Variants in SLC8A2 observed in about 807,000 individuals in gnomAD.
SLC8A2 encodes the protein solute carrier family 8 member A2, also known as sodium/calcium exchanger 2.
In SLC8A2, 14 loss-of-function variants were observed where a neutral mutation model predicts 70.2. The ratio of observed to expected loss-of-function variants is 0.20; its 90% CI spans 0.13 to 0.31. The LOEUF (loss-of-function observed/expected upper bound fraction) is 0.31. Ranked by LOEUF, SLC8A2 falls within the 10% of genes least tolerant of loss-of-function variation. SLC8A2 has a pLI of 1.00. For synonymous variants in SLC8A2, 575 were observed against 594.3 expected, an observed-to-expected ratio of 0.97 and a Z score of 0.47; for missense variants, 779 against 1,320.1, an observed-to-expected ratio of 0.59 and a Z score of 6.35.
intron 8 of SLC8A2, among the ~76,000 whole-genome samples, chr19:47,436,947 T>G (rs1967037127): frequency 6.6e-6 from 1 of 152,114 alleles, no homozygotes; most frequent in Non-Finnish European, 1.5e-5. Context: ...CCATTTAATC[T>G]GTTCCCACCC....
chr19:47,436,322 A>G (rs1354996851), intron 8 of SLC8A2, among the ~76,000 whole-genome samples: 1 of 152,144 alleles, frequency 6.6e-6, no homozygotes, highest in African/African-American at 2.4e-5. Context: ...GTCTTGTGAC[A>G]TGTCTGTCTC....
chr19:47,452,790 T>C (rs1354442138), intron 3 of SLC8A2, among the ~76,000 whole-genome samples: 1 of 152,116 alleles, frequency 6.6e-6, no homozygotes, highest in Admixed American at 6.5e-5. Context: ...CCCGGCACTT[T>C]GGGAGGCCGG....
At chr19:47,441,688 G>T (rs376048141) in intron 4 of SLC8A2, among the ~76,000 whole-genome samples, 21 of 152,356 alleles carry the variant, frequency 1.4e-4, no homozygotes, top group African/African-American at 4.1e-4. Context: ...GGGTGCGGTG[G>T]CTCATGCCTC....
chr19:47,445,557 G>A (rs1025824482), intron 4 of SLC8A2, among the ~76,000 whole-genome samples: 5 of 152,096 alleles, frequency 3.3e-5, no homozygotes, highest in African/African-American at 1.2e-4. Context: ...CCATCTCTGG[G>A]TGTCTCTCCT....
chr19:47,448,563 A>G lies in SLC8A2; in HGVS notation c.1341-332T>C, dbSNP rs1967198328. Among the ~76,000 whole-genome samples, 1 of 152,196 alleles carries G rather than the reference A, an allele frequency of 6.6e-6. No individual in the cohort carries two copies. Among genetic ancestry groups the G allele is most frequent in the South Asian group, 2.1e-4 (1 of 4,830 alleles). On this transcript the variant is annotated intron_variant, in intron 3 of 9. Coordinates refer to ENST00000236877, the MANE Select transcript of SLC8A2 (RefSeq NM_015063.3). The surrounding 1 kb of genome is among the most constrained non-coding windows in gnomAD (Gnocchi z 4.8). ...AGGCATTAGCAGGTGGGCATACTCC[A>G]GGCAGAAGGAACAGCACATGCAAAG...
chr19:47,445,323 G>A (rs549555547), intron 4 of SLC8A2, among the ~76,000 whole-genome samples: 1 of 152,244 alleles, frequency 6.6e-6, no homozygotes, highest in South Asian at 2.1e-4. Context: ...TGGTCAGGCT[G>A]GTCTCGAACT....
rs1160974331 is a variant in SLC8A2 at position 47,465,706 on chromosome 19, A to G, written c.675+23T>C. 1 of 1,578,588 alleles carries G rather than the reference A, an allele frequency of 6.3e-7. No homozygotes were observed. Among genetic ancestry groups the G allele is most frequent in the Non-Finnish European group, 8.6e-7 (1 of 1,158,024 alleles). ...TTTGCAGACACACATGCACCAAGAA[A>G]GCATCTATGCGTCTTTGCTCACCTG... On this transcript the variant is annotated intron_variant, in intron 2 of 9. Transcript: ENST00000236877. This position sits in a 1 kb window ranked among gnomAD's most constrained non-coding sequence, Gnocchi z 5.5.
At chr19:47,458,384 TTC>T (rs1228231907) in intron 2 of SLC8A2, among the ~76,000 whole-genome samples, 5 of 146,282 alleles carry the variant, frequency 3.4e-5, no homozygotes, top group East Asian at 2.1e-4. Flanking sequence ...CCCCACCTCT[TTC>T]TGTCTCTCTT....
rs573666357 is a variant in SLC8A2, at chr19:47,437,533, G to A, written c.2039C>T (p.Thr680Met). ...GGTCCCAATTACCAAGGCCAAGTTC[G>A]TTTTCTTGATGAGTTTATCCACCGT... Reference protein sequence around the residue: ...KNTVDKLIKKTNLALVIGTHS... With the variant: ...KNTVDKLIKKMNLALVIGTHS... The change falls in exon 8 of 10, where the codon ACG becomes ATG. Residue 680 changes from threonine (T) to methionine (M), a missense_variant. This residue lies in a region of SLC8A2 where 247 missense variants were observed against 362.8 expected (regional missense o/e 0.68). Transcript: ENST00000236877. The A allele has an allele frequency of 9.9e-6, 16 of 1,613,864 alleles. No homozygotes were observed. Among genetic ancestry groups the A allele is most frequent in the Middle Eastern group, 1.6e-4 (1 of 6,062 alleles).
chr19:47,448,519 A>G lies in SLC8A2; in HGVS notation c.1341-288T>C, dbSNP rs886441358. Reference sequence around the variant, plus strand: ...AACAGGTAATGATAAGGTTGAGATCAGGGCAGGCTTCCTGGAGGAGGCATT... The same window carrying G: ...AACAGGTAATGATAAGGTTGAGATCGGGGCAGGCTTCCTGGAGGAGGCATT... On this transcript the variant is annotated intron_variant, in intron 3 of 9. Coordinates refer to ENST00000236877, the MANE Select transcript of SLC8A2 (RefSeq NM_015063.3). The surrounding 1 kb of genome is among the most constrained non-coding windows in gnomAD (Gnocchi z 4.8). Among the ~76,000 whole-genome samples the G allele has an allele frequency of 1.3e-5, 2 of 152,186 alleles. No individual in the cohort carries two copies. Among genetic ancestry groups the G allele is most frequent in the Non-Finnish European group, 2.9e-5 (2 of 68,026 alleles).
chr19:47,452,382 T>C (rs55729620), intron 3 of SLC8A2, among the ~76,000 whole-genome samples: 19,077 of 144,252 alleles, frequency 0.13, 1,484 homozygotes, highest in Non-Finnish European at 0.17. Flanking sequence ...GCCCAGCTTA[T>C]ATATATATAT....
chr19:47,447,629 ATGGGTCACAGGCCCCGCCCACGT>A lies in SLC8A2; in HGVS notation c.1763+157_1763+179del. 7.4e-6 allele frequency: 3 copies of A among 407,776 alleles called. No individual in the cohort carries two copies. The highest frequency in any genetic ancestry group is 1.3e-5 in the Non-Finnish European group (3 of 239,480). The allele number at this position is 407,776 out of a possible 1,614,324, so 25.3% of individuals were successfully genotyped here. ...GTGAAGCCCCGCCCACGTCGTGGGC[ATGGGTCACAGGCCCCGCCCACGT>A]TGCGGGCACGGCCACGCAGGCCCCT... On this transcript the variant is annotated intron_variant, in intron 4 of 9. Transcript: ENST00000236877. The surrounding 1 kb of genome is among the most constrained non-coding windows in gnomAD (Gnocchi z 5.1).
At position 47,430,303 on chromosome 19, in the gene SLC8A2, C is replaced by T. The variant is rs1188238015; in HGVS notation, c.2552G>A (p.Arg851His). ...WAVQGRPFEV[R>H]TGTLAFSVTL... ...GACGGAGAAGGCCAGCGTGCCAGTG[C>T]GCACCTCGAAGGGGCGGCCCTGCAC... The change falls in exon 10 of 10, where the codon CGC becomes CAC. Residue 851 changes from arginine to histidine, a missense_variant. Physicochemically the swap from Arg to His is conservative, Grantham distance 29. This residue lies in a region of SLC8A2 where 108 missense variants were observed against 269.6 expected (regional missense o/e 0.40). Transcript: ENST00000236877. This position sits in a 1 kb window ranked among gnomAD's most constrained non-coding sequence, Gnocchi z 5.9. The T allele has an allele frequency of 2.5e-6, 4 of 1,612,302 alleles. No homozygotes were observed. Among genetic ancestry groups the T allele is most frequent in the African/African-American group, 1.3e-5 (1 of 74,904 alleles).
intron 8 of SLC8A2, among the ~76,000 whole-genome samples, chr19:47,435,550 G>GTGT (rs1447011333): frequency 7.5e-6 from 1 of 133,300 alleles, no homozygotes; most frequent in African/African-American, 2.8e-5. Context: ...TCTTTTCTTC[G>GTGT]TTTTTTTTTT....
At chr19:47,441,974 T>G (rs1051729046) in intron 4 of SLC8A2, among the ~76,000 whole-genome samples, 2 of 152,110 alleles carry the variant, frequency 1.3e-5, no homozygotes, top group Non-Finnish European at 2.9e-5. Flanking sequence ...TGGTGGCACA[T>G]GCCTGTAGTC....
chr19:47,457,797 T>TCTTCCTTC (rs146183606), intron 2 of SLC8A2, among the ~76,000 whole-genome samples: 47,374 of 94,672 alleles, frequency 0.5, 8,904 homozygotes, highest in Middle Eastern at 0.58. Context: ...TTTTCTTTTC[T>TCTTCCTTC]CTTCCTTCCT....
In SLC8A2 at chr19:47,448,901, G is replaced by C. The variant is rs698703; in HGVS notation, c.1341-670C>G. Among the ~76,000 whole-genome samples, 118,796 of 152,080 alleles carry C rather than the reference G, an allele frequency of 0.78. 47,102 individuals carry two copies. Among genetic ancestry groups the C allele is most frequent in the Middle Eastern group, 0.89 (262 of 294 alleles). ...ACAAACACTCCTAAGGGCACCCGTT[G>C]TGTGCCTTGTGCCGAGTGGTGCTGG... On this transcript the variant is annotated intron_variant, in intron 3 of 9. Transcript: ENST00000236877. The surrounding 1 kb of genome is among the most constrained non-coding windows in gnomAD (Gnocchi z 4.8).
intron 3 of SLC8A2, among the ~76,000 whole-genome samples, chr19:47,452,958 G>A (rs1369454604): frequency 1.5e-4 from 23 of 152,182 alleles, no homozygotes; most frequent in Admixed American, 1.4e-3. Flanking sequence ...ACTTGAACGC[G>A]GGAGGCAGAG....
At chr19:47,442,567 A>C (rs1264645909) in intron 4 of SLC8A2, among the ~76,000 whole-genome samples, 1 of 151,998 alleles carries the variant, frequency 6.6e-6, no homozygotes, top group African/African-American at 2.4e-5. Flanking sequence ...TCAGTTCTTC[A>C]TTCAAACTTC....
Sources: gnomAD v4.1 joint callset for allele counts (sites outside exome capture counted in the v4.1 genomes callset) on GRCh38, gnomAD v4.1.1 for gene constraint, gnomAD v4.1.1 regional missense constraint, Gnocchi (gnomAD v3.1) non-coding constraint, MANE v1.5 for transcripts, NCBI Gene and HGNC (gene_info 2026-07-23, HGNC 2026-07-21) for gene names.